CA10: variants seen among roughly 807,000 people sequenced by gnomAD.
CA10 encodes the protein carbonic anhydrase 10 (inactive).
In CA10, 14 loss-of-function variants were observed where a neutral mutation model predicts 44.2. The observed-to-expected ratio is 0.32, with a 90% CI of 0.21 to 0.50. The LOEUF (loss-of-function observed/expected upper bound fraction) is 0.50, where lower values mean the gene tolerates loss of function less well. CA10 is among the 20% of genes least tolerant of loss of function. CA10 has a pLI of 0.99. For missense variants in CA10, 350 were observed against 409.7 expected, an observed-to-expected ratio of 0.85 and a Z score of 1.26; for synonymous variants, 159 against 141.6, an observed-to-expected ratio of 1.12 and a Z score of -0.87.
rs145051892 is a variant in CA10, at chr17:51,998,496, C to T, written c.137-67364G>A. Among the ~76,000 whole-genome samples the T allele has an allele frequency of 5.3e-3, 799 of 152,140 alleles. 6 individuals are homozygous for T. Among genetic ancestry groups the T allele is most frequent in the Middle Eastern group, 0.01 (3 of 294 alleles). Reference sequence around the variant, plus strand: ...AAACACCAACCTTATAAAATTAGAGCACCATCCCTTTTTCCTCGAGTGGAT... The same window carrying T: ...AAACACCAACCTTATAAAATTAGAGTACCATCCCTTTTTCCTCGAGTGGAT... On this transcript the variant is annotated intron_variant, in intron 2 of 8. Coordinates refer to ENST00000451037, the MANE Select transcript of CA10 (RefSeq NM_020178.5).
In CA10 at chr17:52,158,101, AGCGGCGGCG is replaced by A. The variant is rs558948284; in HGVS notation, c.-324_-316del. ...CACCAGCGGCGGAAACCGCACTAGC[AGCGGCGGCG>A]GCGGCGGCGGCGGCAGCAGCCACCT... On this transcript the variant is annotated 5_prime_UTR_variant, in exon 1 of 9. Transcript: ENST00000451037. 2.2e-4 allele frequency: 108 copies of A among 491,330 alleles called. No homozygotes were observed. The highest frequency in any genetic ancestry group is 1.2e-3 in the African/African-American group (61 of 51,016). The allele number at this position is 491,330 out of a possible 1,614,324, so 30.4% of individuals were successfully genotyped here.
At chr17:51,761,771 A>G (rs1160771843) in intron 3 of CA10, 1 of 152,208 alleles carries the variant, frequency 6.6e-6, no homozygotes, top group Non-Finnish European at 1.5e-5. Context: ...GTGCCGTGGA[A>G]GCAAGGCGTA....
chr17:51,646,738 C>T (rs1913355177), intron 6 of CA10, among the ~76,000 whole-genome samples: 1 of 152,132 alleles, frequency 6.6e-6, no homozygotes, highest in South Asian at 2.1e-4. Context: ...TTCTGGCTGC[C>T]CTAGGGACAA....
chr17:51,947,381 T>G (rs1401780708), intron 2 of CA10, among the ~76,000 whole-genome samples: 1 of 152,104 alleles, frequency 6.6e-6, no homozygotes, highest in East Asian at 1.9e-4. Flanking sequence ...CTGAGGTTTG[T>G]AAACACAGCA....
chr17:51,958,769 A>G (rs1242341225), intron 2 of CA10, among the ~76,000 whole-genome samples: 1 of 152,166 alleles, frequency 6.6e-6, no homozygotes, highest in Non-Finnish European at 1.5e-5. Flanking sequence ...CAAACAAAAC[A>G]AACAGATAAG....
In CA10 at chr17:51,633,521, C is replaced by T. The variant is rs532195338; in HGVS notation, c.919G>A (p.Gly307Arg). Residue 307 changes from glycine (G) to arginine (R), a missense_variant, in exon 8 of 9, where the codon GGG becomes AGG. Coordinates refer to ENST00000451037, the MANE Select transcript of CA10 (RefSeq NM_020178.5). ...GCTCGGTTGTTTGGACAGTCCTTCCCCTGTAAACTGAAGTTGATATTGGTG... is the reference window on the plus strand; with the variant it reads ...GCTCGGTTGTTTGGACAGTCCTTCCTCTGTAAACTGAAGTTGATATTGGTG... The part of the protein sequence containing the change: ...IRTNINFSLQ[G>R]KDCPNNRAQK... 1.9e-6 allele frequency: 3 copies of T among 1,613,966 alleles called. No homozygotes were observed. Among genetic ancestry groups the T allele is most frequent in the Non-Finnish European group, 2.5e-6 (3 of 1,179,904 alleles).
intron 1 of CA10, among the ~76,000 whole-genome samples, chr17:52,130,464 C>G (rs1433686793): frequency 6.6e-6 from 1 of 152,128 alleles, no homozygotes; most frequent in Admixed American, 6.5e-5. Context: ...AGAATACTAT[C>G]CAGCCTTAAA....
intron 3 of CA10, among the ~76,000 whole-genome samples, chr17:51,814,922 C>T (rs1460396560): frequency 2.0e-5 from 3 of 152,176 alleles, no homozygotes; most frequent in Non-Finnish European, 4.4e-5. Context: ...CAGATTCTCT[C>T]TTGTCTCTCT....
At chr17:51,887,371 T>C (rs900905191) in intron 3 of CA10, among the ~76,000 whole-genome samples, 1 of 152,280 alleles carries the variant, frequency 6.6e-6, no homozygotes, top group African/African-American at 2.4e-5. Flanking sequence ...CTTGAGAGCT[T>C]GTTAGCAATC....
At chr17:51,758,521 T>C (rs1905134342) in intron 3 of CA10, among the ~76,000 whole-genome samples, 1 of 152,212 alleles carries the variant, frequency 6.6e-6, no homozygotes, top group African/African-American at 2.4e-5. Flanking sequence ...CTGAACATGT[T>C]CTTGCCACAC....
chr17:51,950,405 C>T (rs1422719857), intron 2 of CA10, among the ~76,000 whole-genome samples: 1 of 152,122 alleles, frequency 6.6e-6, no homozygotes, highest in Non-Finnish European at 1.5e-5. Context: ...ATTATGGCTT[C>T]TCTTTGGGTT....
chr17:51,655,931 G>A (rs1048314904), intron 4 of CA10, among the ~76,000 whole-genome samples: 10 of 152,222 alleles, frequency 6.6e-5, no homozygotes, highest in East Asian at 1.9e-4. Context: ...CAGGCCAGGC[G>A]TTGCTCTGCC....
At chr17:51,915,830 C>A (rs941429196) in intron 3 of CA10, among the ~76,000 whole-genome samples, 12 of 151,752 alleles carry the variant, frequency 7.9e-5, no homozygotes, top group African/African-American at 2.9e-4. Flanking sequence ...TTTTTGTAAT[C>A]GCAAAAGGAA....
At chr17:52,007,381 G>A (rs990904541) in intron 2 of CA10, among the ~76,000 whole-genome samples, 1 of 151,414 alleles carries the variant, frequency 6.6e-6, no homozygotes, top group African/African-American at 2.4e-5. Flanking sequence ...AATGTTGGTG[G>A]ATACTCTTCA....
chr17:52,133,841 G>A (rs1036040606), intron 1 of CA10, among the ~76,000 whole-genome samples: 1 of 152,182 alleles, frequency 6.6e-6, no homozygotes, highest in South Asian at 2.1e-4. Flanking sequence ...GCACATATTA[G>A]CTAATGGTCA....
chr17:51,885,504 AAC>A (rs1980559242), intron 3 of CA10, among the ~76,000 whole-genome samples: 1 of 152,110 alleles, frequency 6.6e-6, no homozygotes, highest in African/African-American at 2.4e-5. Context: ...TTTCCTCTAC[AAC>A]ACATATTTCT....
intron 1 of CA10, among the ~76,000 whole-genome samples, chr17:52,140,285 C>A (rs572609924): frequency 1.3e-5 from 2 of 152,216 alleles, no homozygotes; most frequent in African/African-American, 4.8e-5. Context: ...GCTTCTAGAG[C>A]AAGGGTTAGC....
chr17:51,867,603 A>T (rs1979608435), intron 3 of CA10, among the ~76,000 whole-genome samples: 1 of 152,206 alleles, frequency 6.6e-6, no homozygotes. Flanking sequence ...CCAGTGCTAA[A>T]ACAGACAAAC....
At chr17:51,983,447 G>C (rs989883462) in intron 2 of CA10, among the ~76,000 whole-genome samples, 3 of 151,668 alleles carry the variant, frequency 2.0e-5, no homozygotes, top group Non-Finnish European at 4.4e-5. Context: ...TAAATTATCT[G>C]TACCTAGAGT....
Sources: allele counts gnomAD v4.1 joint callset (sites outside exome capture counted in the v4.1 genomes callset), GRCh38; gene constraint gnomAD v4.1.1; transcripts MANE v1.5; gene names NCBI Gene and HGNC (gene_info 2026-07-23, HGNC 2026-07-21).